The following KPNA5 variants were observed in gnomAD, a reference collection of about 807,000 sequenced individuals.
The protein encoded by KPNA5 is importin subunit alpha-6.
In KPNA5, 46 loss-of-function variants were observed where a neutral mutation model predicts 71.3. The ratio of observed to expected loss-of-function variants is 0.65; its 90% CI spans 0.51 to 0.83. The LOEUF (loss-of-function observed/expected upper bound fraction) is 0.83, where lower values mean the gene tolerates loss of function less well. KPNA5 is among the 40% of genes least tolerant of loss of function. KPNA5 has a pLI of 0.00. For missense variants in KPNA5, 547 were observed against 628.3 expected (o/e 0.87, Z 1.38); for synonymous variants, 207 against 201.4 (o/e 1.03, Z -0.24).
chr6:116,685,065 A>G (rs1777518429), intron 1 of KPNA5, among the ~76,000 whole-genome samples: 2 of 152,272 alleles, frequency 1.3e-5, no homozygotes, highest in African/African-American at 4.8e-5. Context: ...TTATGTTTAC[A>G]CAAACACCTT....
chr6:116,718,176 T>C (rs1422124846), intron 8 of KPNA5, among the ~76,000 whole-genome samples: 1 of 152,136 alleles, frequency 6.6e-6, no homozygotes, highest in East Asian at 1.9e-4. Flanking sequence ...CCCATGAGTA[T>C]ACCTGACCTT....
chr6:116,726,730 T>G, intron 12 of KPNA5, 108 bp downstream of exon 12: 1 of 1,013,288 alleles, frequency 9.9e-7, no homozygotes, highest in African/African-American at 1.7e-5. Flanking sequence ...CTAAGTCAGT[T>G]TGATAATATG....
At position 116,735,356 on chromosome 6, in the gene KPNA5, A is replaced by G. The variant is rs550135869; in HGVS notation, c.*3033A>G. The G allele has an allele frequency of 4.0e-5, 6 of 151,736 alleles. No homozygotes were observed. The highest frequency in any genetic ancestry group is 8.9e-5 in the Non-Finnish European group (6 of 67,728). 9.4% of individuals were successfully genotyped at this position (151,736 alleles called of 1,614,324 possible). A position where few individuals can be genotyped will look rare whatever the true frequency, so the allele number is the denominator to read the frequency against. ...TATAAAGTCTTAGTGAATTTTTGTTATGGTTCTCAATTCAGCAATCTACTG... is the reference window on the plus strand; with the variant it reads ...TATAAAGTCTTAGTGAATTTTTGTTGTGGTTCTCAATTCAGCAATCTACTG... On this transcript the variant is annotated 3_prime_UTR_variant, in exon 14 of 14. Coordinates refer to ENST00000368564, the MANE Select transcript of KPNA5 (RefSeq NM_001366306.2).
chr6:116,704,585 C>A (rs1403647207), intron 6 of KPNA5, among the ~76,000 whole-genome samples: 1 of 152,022 alleles, frequency 6.6e-6, no homozygotes, highest in Non-Finnish European at 1.5e-5. Flanking sequence ...CACTAATATG[C>A]AAGGAAAACT....
At chr6:116,705,028 C>T (rs375732087) in intron 6 of KPNA5, 44 bp from the exon 7 acceptor site, 5 of 1,407,064 alleles carry the variant, frequency 3.6e-6, no homozygotes, top group Non-Finnish European at 4.9e-6. Flanking sequence ...AGGAAAGCCT[C>T]TAATTTAAAA....
chr6:116,726,298 T>G (rs1779284762), intron 11 of KPNA5, among the ~76,000 whole-genome samples, 197 bp from the exon 12 acceptor site: 1 of 152,040 alleles, frequency 6.6e-6, no homozygotes, highest in East Asian at 1.9e-4. Context: ...TATTCTCCAG[T>G]CTTTAAAAAG....
intron 8 of KPNA5, among the ~76,000 whole-genome samples, chr6:116,721,716 A>T (rs1779112577): frequency 6.6e-6 from 1 of 152,110 alleles, no homozygotes. Context: ...TCCTCAAATG[A>T]TTATTAGATT....
At chr6:116,717,890 C>G (rs954866602) in intron 8 of KPNA5, among the ~76,000 whole-genome samples, 2 of 152,038 alleles carry the variant, frequency 1.3e-5, no homozygotes, top group African/African-American at 4.8e-5. Flanking sequence ...AGTGTGCCCC[C>G]CCCACCGCCA....
intron 12 of KPNA5, among the ~76,000 whole-genome samples, chr6:116,728,779 G>A (rs1458084323): frequency 6.6e-6 from 1 of 151,890 alleles, no homozygotes; most frequent in African/African-American, 2.4e-5. Context: ...ATTGCTCAAG[G>A]TCACACAACT....
intron 1 of KPNA5, among the ~76,000 whole-genome samples, chr6:116,684,357 C>T (rs1191695449): frequency 6.6e-6 from 1 of 152,094 alleles, no homozygotes; most frequent in East Asian, 1.9e-4. Flanking sequence ...TCCCTTCTAC[C>T]TTGAGCTCCA....
At chr6:116,715,943 C>T (rs1217387158) in intron 7 of KPNA5, among the ~76,000 whole-genome samples, 1 of 151,384 alleles carries the variant, frequency 6.6e-6, no homozygotes, top group Non-Finnish European at 1.5e-5. Context: ...AAAAATTAAT[C>T]TAGTATTCTT....
At position 116,740,830 on chromosome 6, in the gene KPNA5, T is replaced by G. The variant is rs1583459454; in HGVS notation, c.*8507T>G. The G allele has an allele frequency of 8.0e-6, 1 of 124,786 alleles. No homozygotes were observed. The highest frequency in any genetic ancestry group is 1.6e-5 in the Non-Finnish European group (1 of 61,060). The allele number at this position is 124,786 out of a possible 1,614,324, so 7.7% of individuals were successfully genotyped here. A position where few individuals can be genotyped will look rare whatever the true frequency, so the allele number is the denominator to read the frequency against. Reference sequence around the variant, plus strand: ...GGACACAGGAAGGGGAACATCACACTCTGGGGACTGTTGTGGGGTTGGGGG... The same window carrying G: ...GGACACAGGAAGGGGAACATCACACGCTGGGGACTGTTGTGGGGTTGGGGG... On this transcript the variant is annotated 3_prime_UTR_variant, in exon 14 of 14. Coordinates refer to ENST00000368564, the MANE Select transcript of KPNA5 (RefSeq NM_001366306.2).
At position 116,736,030 on chromosome 6, in the gene KPNA5, G is replaced by C. The variant is rs1328949614; in HGVS notation, c.*3707G>C. 6.6e-6 allele frequency: 1 copy of C among 151,828 alleles called. No homozygotes were observed. The highest frequency in any genetic ancestry group is 2.4e-5 in the African/African-American group (1 of 41,410). The allele number at this position is 151,828 out of a possible 1,614,324, so 9.4% of individuals were successfully genotyped here. On this transcript the variant is annotated 3_prime_UTR_variant, in exon 14 of 14. Transcript: ENST00000368564. ...CCATGCTATCACAAATCAAAAGTAA[G>C]TTGGGGTGGCCATATAATGCATATC...
At chr6:116,695,475 T>A (rs1330328175) in intron 4 of KPNA5, among the ~76,000 whole-genome samples, 1 of 152,142 alleles carries the variant, frequency 6.6e-6, no homozygotes, top group Non-Finnish European at 1.5e-5. Context: ...TTTTATGGGA[T>A]TGTATATATG....
intron 8 of KPNA5, among the ~76,000 whole-genome samples, chr6:116,718,135 C>T (rs896264953): frequency 6.6e-6 from 1 of 152,108 alleles, no homozygotes; most frequent in Non-Finnish European, 1.5e-5. Context: ...CCTGCTTAAG[C>T]GTGTCTACCT....
chr6:116,723,821 A>C (rs893293942), intron 9 of KPNA5, among the ~76,000 whole-genome samples: 3 of 152,180 alleles, frequency 2.0e-5, no homozygotes, highest in Non-Finnish European at 4.4e-5. Flanking sequence ...ATTTTGTTGC[A>C]AAATATTAAT....
At chr6:116,729,799 C>T in intron 13 of KPNA5, 58 bp downstream of exon 13, 1 of 1,099,992 alleles carries the variant, frequency 9.1e-7, no homozygotes, top group East Asian at 2.9e-5. Flanking sequence ...GTCATACTTT[C>T]CCCTTCCAGT....
chr6:116,726,901 T>C (rs539010639), intron 12 of KPNA5, among the ~76,000 whole-genome samples: 16 of 152,202 alleles, frequency 1.1e-4, no homozygotes, highest in African/African-American at 3.6e-4. Context: ...TACACTGTCA[T>C]GGGCATTAAA....
At chr6:116,701,171 AC>A (rs1482548788) in intron 5 of KPNA5, among the ~76,000 whole-genome samples, 6 of 152,216 alleles carry the variant, frequency 3.9e-5, no homozygotes, top group African/African-American at 1.4e-4. Flanking sequence ...GCTTTTGGGT[AC>A]ATTTTTTGTT....
Sources: allele counts gnomAD v4.1 joint callset (sites outside exome capture counted in the v4.1 genomes callset), GRCh38; gene constraint gnomAD v4.1.1; transcripts MANE v1.5; gene names NCBI Gene and HGNC (gene_info 2026-07-23, HGNC 2026-07-21).